Variants in CRPPA observed in about 807,000 individuals in gnomAD.
CRPPA encodes the protein CDP-L-ribitol pyrophosphorylase A, also known as D-ribitol-5-phosphate cytidylyltransferase.
CRPPA carries 43 observed loss-of-function variants against 52.0 expected under a neutral mutation model. That is an observed-to-expected ratio of 0.83 (90% CI 0.65 to 1.07). CRPPA has a LOEUF of 1.07. Ranked by LOEUF, CRPPA falls within the 50% of genes least tolerant of loss-of-function variation. The pLI, the probability that CRPPA is intolerant of heterozygous loss-of-function variation, is 0.00. For missense variants in CRPPA, 629 were observed against 551.7 expected, an observed-to-expected ratio of 1.14 and a Z score of -1.40; for synonymous variants, 250 against 203.5, an observed-to-expected ratio of 1.23 and a Z score of -1.94.
At chr7:16,290,651 G>C (rs1562611579) in intron 5 of CRPPA, among the ~76,000 whole-genome samples, 1 of 151,912 alleles carries the variant, frequency 6.6e-6, no homozygotes, top group African/African-American at 2.4e-5. Flanking sequence ...ACTCAAAATA[G>C]GTTAAAGATA....
chr7:16,241,798 C>T (rs1783114557), intron 8 of CRPPA, among the ~76,000 whole-genome samples: 1 of 152,024 alleles, frequency 6.6e-6, no homozygotes, highest in Admixed American at 6.6e-5. Context: ...CTAAAAAACA[C>T]ATATAGTTCG....
intron 9 of CRPPA, among the ~76,000 whole-genome samples, chr7:16,146,825 A>T (rs778508336): frequency 3.9e-5 from 6 of 152,202 alleles, no homozygotes; most frequent in African/African-American, 7.2e-5. Flanking sequence ...CAGATCACAA[A>T]GGAAGACAAG....
rs971757949 is a variant in CRPPA at position 16,091,330 on chromosome 7, T to C, written c.*365A>G. ...CTTCATAATAGTGTAAATTATTAATTAACAGTTAGGATAATAACTGAAGTT... is the reference window on the plus strand; with the variant it reads ...CTTCATAATAGTGTAAATTATTAATCAACAGTTAGGATAATAACTGAAGTT... On this transcript the variant is annotated 3_prime_UTR_variant, in exon 10 of 10. Transcript: ENST00000407010. The C allele has an allele frequency of 5.7e-6, 1 of 174,518 alleles. No individual in the cohort carries two copies. The highest frequency in any genetic ancestry group is 2.4e-5 in the African/African-American group (1 of 41,656). 10.8% of individuals were successfully genotyped at this position (174,518 alleles called of 1,614,324 possible). A position where few individuals can be genotyped will look rare whatever the true frequency, so the allele number is the denominator to read the frequency against.
chr7:16,167,350 T>C (rs1781090129), intron 9 of CRPPA, among the ~76,000 whole-genome samples: 1 of 152,238 alleles, frequency 6.6e-6, no homozygotes, highest in South Asian at 2.1e-4. Context: ...ATCTAATTCA[T>C]AAACTCTGCA....
At position 16,355,744 on chromosome 7, in the gene CRPPA, A is replaced by G. The variant is rs184123902; in HGVS notation, c.684+20348T>C. ...TTCTGGCATCTACCAACACTGACTGATAGAACAGGCTTGAACTAGAGTGGT... is the reference window on the plus strand; with the variant it reads ...TTCTGGCATCTACCAACACTGACTGGTAGAACAGGCTTGAACTAGAGTGGT... On this transcript the variant is annotated intron_variant, in intron 3 of 9. Transcript: ENST00000407010. Among the ~76,000 whole-genome samples, 3 of 152,200 alleles carry G rather than the reference A, an allele frequency of 2.0e-5. No homozygotes were observed. In the East Asian group the frequency reaches 5.8e-4, roughly 29 times the overall value.
At chr7:16,393,512 T>C (rs185797594) in intron 2 of CRPPA, among the ~76,000 whole-genome samples, 370 of 152,224 alleles carry the variant, frequency 2.4e-3, no homozygotes, top group Non-Finnish European at 3.5e-3. Flanking sequence ...TAAATGGTGC[T>C]AGGCAAAGAC....
At chr7:16,301,323 T>C in intron 5 of CRPPA, 98 bp downstream of exon 5, 1 of 959,166 alleles carries the variant, frequency 1.0e-6, no homozygotes, top group Non-Finnish European at 1.6e-6. Context: ...CAGGCTTTTC[T>C]GCTTTTGAGA....
chr7:16,158,896 G>C (rs1254253761), intron 9 of CRPPA, among the ~76,000 whole-genome samples: 1 of 152,164 alleles, frequency 6.6e-6, no homozygotes, highest in Non-Finnish European at 1.5e-5. Flanking sequence ...ATTGCTAATA[G>C]AATCCAAGCA....
chr7:16,261,016 C>G (rs999874714), intron 6 of CRPPA, among the ~76,000 whole-genome samples: 1 of 151,922 alleles, frequency 6.6e-6, no homozygotes, highest in East Asian at 1.9e-4. Flanking sequence ...TAAAAACTCA[C>G]CAAAAAATAC....
At chr7:16,310,814 G>A (rs1048993749) in intron 3 of CRPPA, among the ~76,000 whole-genome samples, 1 of 152,040 alleles carries the variant, frequency 6.6e-6, no homozygotes, top group African/African-American at 2.4e-5. Flanking sequence ...TTACAAACAA[G>A]ATGTAATCCA....
At chr7:16,213,749 CA>C (rs11454459) in intron 9 of CRPPA, among the ~76,000 whole-genome samples, 1,401 of 131,878 alleles carry the variant, frequency 0.011, 19 homozygotes, top group African/African-American at 0.033. Context: ...AACTTCGGCT[CA>C]AAAAAAAAAA....
chr7:16,274,559 A>T (rs7805187), intron 6 of CRPPA, among the ~76,000 whole-genome samples: 91,935 of 151,978 alleles, frequency 0.6, 27,947 homozygotes, highest in Admixed American at 0.67. Flanking sequence ...TCATTAAAAA[A>T]AAATAAAAAG....
chr7:16,353,857 A>T (rs11509157), intron 3 of CRPPA, among the ~76,000 whole-genome samples: 16,273 of 152,158 alleles, frequency 0.11, 1,104 homozygotes, highest in East Asian at 0.36. Context: ...CTCACAAAAA[A>T]AAAAATAAAA....
At chr7:16,396,849 G>A (rs977086217) in intron 2 of CRPPA, among the ~76,000 whole-genome samples, 2 of 152,220 alleles carry the variant, frequency 1.3e-5, no homozygotes, top group African/African-American at 4.8e-5. Context: ...TATGTGACAC[G>A]TAATGGAAGA....
At chr7:16,234,240 A>T (rs187173346) in intron 8 of CRPPA, among the ~76,000 whole-genome samples, 1 of 152,252 alleles carries the variant, frequency 6.6e-6, no homozygotes, top group Admixed American at 6.5e-5. Context: ...AAAAGTTTGA[A>T]TACCACTCCC....
chr7:16,372,586 G>A (rs529682553), intron 3 of CRPPA, among the ~76,000 whole-genome samples: 1 of 151,988 alleles, frequency 6.6e-6, no homozygotes, highest in Non-Finnish European at 1.5e-5. Flanking sequence ...TATCACAATC[G>A]AACCTCCTCC....
At chr7:16,278,338 G>A (rs1784253176) in intron 5 of CRPPA, 112 bp from the exon 6 acceptor site, 3 of 625,226 alleles carry the variant, frequency 4.8e-6, no homozygotes, top group Non-Finnish European at 5.6e-6. Flanking sequence ...AGAATAGGGA[G>A]GTTTTGATTT....
intron 3 of CRPPA, among the ~76,000 whole-genome samples, chr7:16,351,117 T>G (rs1247449282): frequency 6.6e-6 from 1 of 151,826 alleles, no homozygotes; most frequent in Non-Finnish European, 1.5e-5. Context: ...CTAAGAGATA[T>G]GAAAGGAAAT....
At chr7:16,100,260 C>G (rs1238782517) in intron 9 of CRPPA, among the ~76,000 whole-genome samples, 1 of 152,124 alleles carries the variant, frequency 6.6e-6, no homozygotes. Context: ...TAATGACTAC[C>G]TCTTAAGATG....
Sources: allele counts gnomAD v4.1 joint callset (sites outside exome capture counted in the v4.1 genomes callset), GRCh38; gene constraint gnomAD v4.1.1; transcripts MANE v1.5; gene names NCBI Gene and HGNC (gene_info 2026-07-23, HGNC 2026-07-21).